Variants in SRRM2 observed in about 807,000 individuals in gnomAD.
SRRM2 encodes the protein serine/arginine repetitive matrix protein 2.
SRRM2 carries 30 observed loss-of-function variants against 213.8 expected under a neutral mutation model. The observed-to-expected ratio is 0.14, with a 90% CI of 0.10 to 0.19. SRRM2 has a LOEUF of 0.19. SRRM2 is among the 10% of genes least tolerant of loss of function. The probability of loss-of-function intolerance (pLI) is 1.00; values close to 1 mark genes in which losing one functional copy is unlikely to be tolerated. For synonymous variants in SRRM2, 2,025 were observed against 1,377.7 expected (o/e 1.47, Z -10.40); for missense variants, 4,904 against 3,647.0 (o/e 1.34, Z -8.88).
intron 3 of SRRM2, 29 bp downstream of exon 3, chr16:2,757,608 C>T: frequency 6.3e-7 from 1 of 1,598,308 alleles, no homozygotes; most frequent in Non-Finnish European, 8.5e-7. Flanking sequence ...CTCGATGACT[C>T]TGGACTCTAC....
At chr16:2,755,172 A>G (rs1407449933) in intron 1 of SRRM2, among the ~76,000 whole-genome samples, 1 of 152,226 alleles carries the variant, frequency 6.6e-6, no homozygotes, top group Non-Finnish European at 1.5e-5. Context: ...AGGAGAAAGG[A>G]ATAGAGTATG....
chr16:2,756,552 A>T lies in SRRM2; in HGVS notation c.188A>T (p.Lys63Met). Residue 63 changes from lysine to methionine, a missense_variant, in exon 2 of 15, where the codon AAG (lysine) becomes ATG (methionine). By Grantham distance (95) the Lys-to-Met change is moderately conservative. Transcript: ENST00000301740. Reference sequence around the variant, plus strand: ...CCTGACATCCTGGACCACGAGCGCAAGCGGCGCGTCGAGCTGCGATGCCTC... The same window carrying T: ...CCTGACATCCTGGACCACGAGCGCATGCGGCGCGTCGAGCTGCGATGCCTC... The part of the protein sequence containing the change: ...PNPDILDHER[K>M]RRVELRCLEL... 6.2e-7 allele frequency: 1 copy of T among 1,614,088 alleles called. No individual in the cohort carries two copies. Among genetic ancestry groups the T allele is most frequent in the Non-Finnish European group, 8.5e-7 (1 of 1,179,988 alleles).
At chr16:2,752,991 C>T (rs1450122866) in intron 1 of SRRM2, 145 bp downstream of exon 1, 1 of 153,428 alleles carries the variant, frequency 6.5e-6, no homozygotes, top group East Asian at 1.9e-4. Context: ...CGGACGCCCT[C>T]GCCTCCCTTC....
Position 2,766,019 on chromosome 16 carries a change from T to C in SRRM2, c.5491T>C (p.Ser1831Pro). Residue 1831 changes from serine to proline, a missense_variant, in exon 11 of 15, where the codon TCC becomes CCC. Physicochemically the swap from Ser to Pro is moderately conservative, Grantham distance 74. Transcript: ENST00000301740. This position sits in a 1 kb window ranked among gnomAD's most constrained non-coding sequence, Gnocchi z 7.0. Reference protein sequence around the residue: ...HSRSPARQESSRTSSRRRRGR... With the variant: ...HSRSPARQESPRTSSRRRRGR... ...AAGGTCACCTGCCCGGCAGGAAAGTTCCCGGACCTCCTCTCGACGCCGAAG... is the reference window on the plus strand; with the variant it reads ...AAGGTCACCTGCCCGGCAGGAAAGTCCCCGGACCTCCTCTCGACGCCGAAG... 1 of 1,613,464 alleles carries C rather than the reference T, an allele frequency of 6.2e-7. No homozygotes were observed. Among genetic ancestry groups the C allele is most frequent in the South Asian group, 1.1e-5 (1 of 91,048 alleles).
rs150538327 is a variant in SRRM2, at chr16:2,767,235, C to G, written c.6707C>G (p.Ser2236Cys). 3 of 1,614,042 alleles carry G rather than the reference C, an allele frequency of 1.9e-6. No individual in the cohort carries two copies. In the African/African-American group the frequency reaches 4.0e-5, roughly 22 times the overall value. The part of the protein sequence containing the change: ...ANLASRIPAA[S>C]AAAMNLASAR... ...CTTGCCAGCAGGATTCCTGCAGCCTCTGCGGCAGCCATGAACCTAGCCAGC... is the reference window on the plus strand; with the variant it reads ...CTTGCCAGCAGGATTCCTGCAGCCTGTGCGGCAGCCATGAACCTAGCCAGC... The change falls in exon 11 of 15, where the codon TCT becomes TGT. Residue 2236 changes from serine to cysteine, a missense_variant. Coordinates refer to ENST00000301740, the MANE Select transcript of SRRM2 (RefSeq NM_016333.4).
intron 12 of SRRM2, 84 bp downstream of exon 12, chr16:2,769,368 TG>T (rs2068658476): frequency 2.8e-6 from 4 of 1,450,236 alleles, no homozygotes; most frequent in Non-Finnish European, 2.8e-6. Flanking sequence ...AGCTCCCCGC[TG>T]GGTGTCTCAC....
chr16:2,766,509 C>A lies in SRRM2; in HGVS notation c.5981C>A (p.Ser1994Tyr). 6.2e-7 allele frequency: 1 copy of A among 1,614,110 alleles called. No individual in the cohort carries two copies. Among genetic ancestry groups the A allele is most frequent in the Non-Finnish European group, 8.5e-7 (1 of 1,180,018 alleles). The change falls in exon 11 of 15, where the codon TCT (serine) becomes TAT (tyrosine). Residue 1994 changes from serine to tyrosine, a missense_variant. Physicochemically the swap from Ser to Tyr is moderately radical, Grantham distance 144. Transcript: ENST00000301740. This position sits in a 1 kb window ranked among gnomAD's most constrained non-coding sequence, Gnocchi z 7.0. ...ACATCTCCGGTCACCCGAAGGAGAT[C>A]TCGATCTCGCACATCTCCAGTAACT... ...SRTSPVTRRR[S>Y]RSRTSPVTRR...
chr16:2,758,465 C>T lies in SRRM2; in HGVS notation c.516-5C>T. On this transcript the variant is annotated splice_region_variant and splice_polypyrimidine_tract_variant and intron_variant, in intron 4 of 14. Coordinates refer to ENST00000301740, the MANE Select transcript of SRRM2 (RefSeq NM_016333.4). The stretch of plus-strand genomic sequence containing the variant: ...CCATCTCTGCTGCTTTTCATTTTTC[C>T]CTAGCCTTGTTCGGGAGTCTAGCAG... The T allele has an allele frequency of 6.8e-6, 11 of 1,613,210 alleles. No homozygotes were observed. Among genetic ancestry groups the T allele is most frequent in the Non-Finnish European group, 8.5e-6 (10 of 1,179,358 alleles).
chr16:2,754,382 C>T (rs1320869391), intron 1 of SRRM2, among the ~76,000 whole-genome samples: 1 of 152,072 alleles, frequency 6.6e-6, no homozygotes, highest in South Asian at 2.1e-4. Flanking sequence ...AACCTTCCGC[C>T]TCCCGGGTTC....
Position 2,763,059 on chromosome 16 carries a change from T to G in SRRM2, c.2531T>G (p.Val844Gly). 5 of 1,613,988 alleles carry G rather than the reference T, an allele frequency of 3.1e-6. No individual in the cohort carries two copies. The highest frequency in any genetic ancestry group is 4.2e-6 in the Non-Finnish European group (5 of 1,179,990). ...SHSSSSPHPK[V>G]KSGTPPRQGS... Reference sequence around the variant, plus strand: ...TCCAGTTCATCTCCTCATCCTAAAGTGAAATCTGGAACACCACCGAGGCAA... The same window carrying G: ...TCCAGTTCATCTCCTCATCCTAAAGGGAAATCTGGAACACCACCGAGGCAA... Residue 844 changes from valine to glycine, a missense_variant, in exon 11 of 15, where the codon GTG becomes GGG. Physicochemically the swap from Val to Gly is moderately radical, Grantham distance 109. Transcript: ENST00000301740.
Position 2,763,289 on chromosome 16 carries a change from G to A in SRRM2, c.2761G>A (p.Ala921Thr). Reference protein sequence around the residue: ...RSSSPQPKVKAIISPRQRSHS... With the variant: ...RSSSPQPKVKTIISPRQRSHS... ...ATCATCTCCACAACCCAAAGTGAAG[G>A]CAATAATATCACCAAGACAAAGAAG... Residue 921 changes from alanine to threonine, a missense_variant, in exon 11 of 15, where the codon GCA (alanine) becomes ACA (threonine). By Grantham distance (58) the Ala-to-Thr change is moderately conservative (BLOSUM62 0). Coordinates refer to ENST00000301740, the MANE Select transcript of SRRM2 (RefSeq NM_016333.4). The A allele has an allele frequency of 6.2e-7, 1 of 1,614,068 alleles. No individual in the cohort carries two copies. Among genetic ancestry groups the A allele is most frequent in the Admixed American group, 1.7e-5 (1 of 60,014 alleles).
chr16:2,761,930 A>G lies in SRRM2; in HGVS notation c.1402A>G (p.Lys468Glu), dbSNP rs199732732. ...TAAGAATCGCTCACATGGCCGAGCA[A>G]AACGGGATAAATCACATTCTCATAC... ...TSKNRSHGRA[K>E]RDKSHSHTPS... is the part of the protein sequence containing the mutation. Residue 468 changes from lysine (K) to glutamate (E), a missense_variant, in exon 11 of 15, where the codon AAA becomes GAA. By Grantham distance (56) the Lys-to-Glu change is moderately conservative (BLOSUM62 1). Coordinates refer to ENST00000301740, the MANE Select transcript of SRRM2 (RefSeq NM_016333.4). 6.2e-7 allele frequency: 1 copy of G among 1,613,998 alleles called. No individual in the cohort carries two copies. The highest frequency in any genetic ancestry group is 1.3e-5 in the African/African-American group (1 of 74,978).
In SRRM2 at chr16:2,765,533, C is replaced by G. The variant is rs560941754; in HGVS notation, c.5005C>G (p.Arg1669Gly). The change falls in exon 11 of 15, where the codon CGC becomes GGC. Residue 1669 changes from arginine to glycine, a missense_variant. By Grantham distance (125) the Arg-to-Gly change is moderately radical. Transcript: ENST00000301740. ...ACATCCGCCCAAATCCAGAACTGCTCGCAGAGGTTCCAGGTCATCACCAGA... is the reference window on the plus strand; with the variant it reads ...ACATCCGCCCAAATCCAGAACTGCTGGCAGAGGTTCCAGGTCATCACCAGA... ...PEHPPKSRTA[R>G]RGSRSSPEPK... 6.2e-7 allele frequency: 1 copy of G among 1,614,048 alleles called. No individual in the cohort carries two copies. Among genetic ancestry groups the G allele is most frequent in the African/African-American group, 1.3e-5 (1 of 74,916 alleles).
In SRRM2 at chr16:2,769,314, T is replaced by G. The variant is rs1263844107; in HGVS notation, c.8021+30T>G. The G allele has an allele frequency of 3.3e-6, 5 of 1,532,298 alleles. No individual in the cohort carries two copies. In the South Asian group the frequency reaches 6.4e-5, roughly 20 times the overall value. 94.9% of individuals were successfully genotyped at this position (1,532,298 alleles called of 1,614,324 possible). ...GTGCTGTCTTGCCTGAGTTGAAAGGTGGGTGGGGGAGTGACTTGTCCAGAG... is the reference window on the plus strand; with the variant it reads ...GTGCTGTCTTGCCTGAGTTGAAAGGGGGGTGGGGGAGTGACTTGTCCAGAG... On this transcript the variant is annotated intron_variant, in intron 12 of 14. Transcript: ENST00000301740.
In SRRM2 at chr16:2,771,280, G is replaced by C. The variant is rs1289311527; in HGVS notation, c.*413G>C. 5 of 842,244 alleles carry C rather than the reference G, an allele frequency of 5.9e-6. No individual in the cohort carries two copies. The East Asian group carries it at 1.3e-4, about 22-fold the overall frequency. 52.2% of individuals were successfully genotyped at this position (842,244 alleles called of 1,614,324 possible). ...AAGGGGCAGGAGTTGGAATTAGTTGGTCCCTACTGTCCCCCATGAGGTTGT... is the reference window on the plus strand; with the variant it reads ...AAGGGGCAGGAGTTGGAATTAGTTGCTCCCTACTGTCCCCCATGAGGTTGT... On this transcript the variant is annotated 3_prime_UTR_variant, in exon 15 of 15. Transcript: ENST00000301740.
intron 12 of SRRM2, chr16:2,769,962 G>A (rs1203770686): frequency 8.9e-6 from 4 of 449,780 alleles, no homozygotes; most frequent in Non-Finnish European, 1.7e-5. Context: ...TCCTCGTTCT[G>A]CAAGACTCCG....
In SRRM2 at chr16:2,763,389, C is replaced by G; in HGVS notation, c.2861C>G (p.Ser954Cys). Residue 954 changes from serine to cysteine, a missense_variant, in exon 11 of 15, where the codon TCT becomes TGT. Coordinates refer to ENST00000301740, the MANE Select transcript of SRRM2 (RefSeq NM_016333.4). ...ACTCCACGGCGAAGCAGATCAGTATCTCCCTGCTCCAATGTGGAATCCAGA... is the reference window on the plus strand; with the variant it reads ...ACTCCACGGCGAAGCAGATCAGTATGTCCCTGCTCCAATGTGGAATCCAGA... Reference protein sequence around the residue: ...RTTPRRSRSVSPCSNVESRLL... With the variant: ...RTTPRRSRSVCPCSNVESRLL... The G allele has an allele frequency of 6.2e-7, 1 of 1,614,240 alleles. No homozygotes were observed.
rs1372978854 is a variant in SRRM2, at chr16:2,760,670, A to C, written c.1032+171A>C. 5.8e-6 allele frequency: 4 copies of C among 688,790 alleles called. No homozygotes were observed. In the East Asian group the frequency reaches 1.1e-4, roughly 19 times the overall value. 42.7% of individuals were successfully genotyped at this position (688,790 alleles called of 1,614,324 possible). On this transcript the variant is annotated intron_variant, in intron 10 of 14. Coordinates refer to ENST00000301740, the MANE Select transcript of SRRM2 (RefSeq NM_016333.4). ...CATCTGCAGAACTTTTAGTGTTGTT[A>C]CTAGACTGAATTGTGAACCCTTTAG...
At position 2,760,434 on chromosome 16, in the gene SRRM2, A is replaced by G; in HGVS notation, c.967A>G (p.Ser323Gly). 3.7e-6 allele frequency: 6 copies of G among 1,614,222 alleles called. No homozygotes were observed. Among genetic ancestry groups the G allele is most frequent in the Non-Finnish European group, 5.1e-6 (6 of 1,180,044 alleles). The change falls in exon 10 of 15, where the codon AGC becomes GGC. Residue 323 changes from serine (S) to glycine (G), a missense_variant. Ser to Gly is a moderately conservative substitution (Grantham distance 56, BLOSUM62 0). Transcript: ENST00000301740. ...TACTACCAGCACACAACGGCCTAGT[A>G]GCCCGGAGACTGCTACGAAACAGCC... is the stretch of plus-strand genomic sequence containing the variant. ...PGTTSTQRPSSPETATKQPSS... is the reference protein window; with the variant it reads ...PGTTSTQRPSGPETATKQPSS...
Sources: allele counts gnomAD v4.1 joint callset (sites outside exome capture counted in the v4.1 genomes callset), GRCh38; gene constraint gnomAD v4.1.1; non-coding constraint Gnocchi (gnomAD v3.1); transcripts MANE v1.5; gene names NCBI Gene and HGNC (gene_info 2026-07-23, HGNC 2026-07-21).